Variants in PDE1A observed in about 807,000 individuals in gnomAD.
PDE1A encodes phosphodiesterase 1A, also known as dual specificity calcium/calmodulin-dependent 3',5'-cyclic nucleotide phosphodiesterase 1A.
Under a neutral mutation model 61.7 loss-of-function variants are expected in PDE1A, and 35 were observed. That is an observed-to-expected ratio of 0.57 (90% CI 0.43 to 0.75). The LOEUF is 0.75. PDE1A is among the 30% of genes least tolerant of loss of function. The pLI is 0.00. For synonymous variants in PDE1A, 232 were observed against 213.2 expected, an observed-to-expected ratio of 1.09 and a Z score of -0.77; for missense variants, 597 against 630.6, an observed-to-expected ratio of 0.95 and a Z score of 0.57.
chr2:182,314,872 A>G (rs1378301033), intron 1 of PDE1A, among the ~76,000 whole-genome samples: 1 of 152,200 alleles, frequency 6.6e-6, no homozygotes, highest in Non-Finnish European at 1.5e-5. Flanking sequence ...TTTTAGAAAA[A>G]GAAACCTTGG....
chr2:182,201,512 A>T, exon 10 of PDE1A: 1 of 1,614,024 alleles, frequency 6.2e-7, no homozygotes, highest in Non-Finnish European at 8.5e-7. Context: ...TGGGTGGCTG[A>T]TGTCTGCTGC....
chr2:182,561,282 A>T, the PDE1A span, among the ~76,000 whole-genome samples: 1 of 152,308 alleles, frequency 6.6e-6, no homozygotes, highest in South Asian at 2.1e-4. Flanking sequence ...ATGGGTAGCC[A>T]GTCTTCCCAG....
upstream of PDE1A, among the ~76,000 whole-genome samples, chr2:182,429,354 C>A: frequency 6.6e-6 from 1 of 152,034 alleles, no homozygotes; most frequent in East Asian, 1.9e-4. Context: ...AAAATATATT[C>A]CTTACATTAA....
rs570681870 is a variant in PDE1A at position 182,496,861 on chromosome 2, T to C, written c.101+25415A>G. On this transcript the variant is annotated intron_variant, in intron 2 of 14. Transcript: ENST00000410103. ...TAGTGGCCCTGACTTCCGGCTCCTA[T>C]AGACATTCCTGTGATTTTGTAAGCA... Among the ~76,000 whole-genome samples, 20 of 152,350 alleles carry C rather than the reference T, an allele frequency of 1.3e-4. No individual in the cohort carries two copies. In the South Asian group the frequency reaches 4.1e-3, roughly 32 times the overall value.
chr2:182,648,878 G>A, the PDE1A span, among the ~76,000 whole-genome samples: 1 of 152,122 alleles, frequency 6.6e-6, no homozygotes, highest in South Asian at 2.1e-4. Context: ...CCAGTTTATA[G>A]ATGTTATTAT....
intron 1 of PDE1A, among the ~76,000 whole-genome samples, chr2:182,276,620 ATGAAC>A (rs67572530): frequency 0.53 from 80,342 of 151,484 alleles, 21,460 homozygotes; most frequent in African/African-American, 0.6. Flanking sequence ...CACCTTGAAA[ATGAAC>A]AGAATAACAG....
At chr2:182,356,534 G>T (rs1260267305) in intron 1 of PDE1A, among the ~76,000 whole-genome samples, 1 of 152,000 alleles carries the variant, frequency 6.6e-6, no homozygotes, top group African/African-American at 2.4e-5. Flanking sequence ...CGGATCACTG[G>T]AGCTCAGGAG....
chr2:182,527,180 GAA>G (rs1690784361), upstream of PDE1A, among the ~76,000 whole-genome samples: 1 of 149,300 alleles, frequency 6.7e-6, no homozygotes, highest in Non-Finnish European at 1.5e-5. Context: ...AGAAAAATAT[GAA>G]GAGGCTGGGA....
intron 2 of PDE1A, among the ~76,000 whole-genome samples, chr2:182,511,275 A>G (rs1014580793): frequency 6.6e-6 from 1 of 151,970 alleles, no homozygotes; most frequent in African/African-American, 2.4e-5. Context: ...GCACGCTCCA[A>G]GCAGATCTTC....
the PDE1A span, among the ~76,000 whole-genome samples, chr2:182,590,972 G>A: frequency 1.3e-5 from 2 of 152,102 alleles, no homozygotes; most frequent in African/African-American, 4.8e-5. Context: ...TGTGTCCACA[G>A]GAACTATAAC....
At chr2:182,307,847 C>T (rs1695693373) in intron 1 of PDE1A, among the ~76,000 whole-genome samples, 1 of 152,028 alleles carries the variant, frequency 6.6e-6, no homozygotes, top group African/African-American at 2.4e-5. Context: ...CAGATACAGA[C>T]TGTCTAAAGA....
chr2:182,529,493 G>T, the PDE1A span, among the ~76,000 whole-genome samples: 1 of 152,202 alleles, frequency 6.6e-6, no homozygotes, highest in African/African-American at 2.4e-5. Flanking sequence ...TCTCAGATGA[G>T]ACTTTGGACT....
At chr2:182,334,672 T>C (rs969568237) in intron 1 of PDE1A, among the ~76,000 whole-genome samples, 18 of 152,088 alleles carry the variant, frequency 1.2e-4, no homozygotes, top group Non-Finnish European at 1.8e-4. Flanking sequence ...CAATATTATA[T>C]TGAATGGGCA....
At chr2:182,612,671 T>C in the PDE1A span, among the ~76,000 whole-genome samples, 1 of 152,206 alleles carries the variant, frequency 6.6e-6, no homozygotes, top group Non-Finnish European at 1.5e-5. Context: ...TCTTTTTCAT[T>C]GGGGCCTCTA....
chr2:182,264,068 T>C (rs1308912089), intron 2 of PDE1A, among the ~76,000 whole-genome samples: 1 of 152,214 alleles, frequency 6.6e-6, no homozygotes, highest in Admixed American at 6.5e-5. Flanking sequence ...ACTTTAGTGT[T>C]TGACTATCTT....
At chr2:182,459,385 A>G (rs1413419542) in intron 2 of PDE1A, among the ~76,000 whole-genome samples, 1 of 152,112 alleles carries the variant, frequency 6.6e-6, no homozygotes, top group African/African-American at 2.4e-5. Context: ...GACAATAAGA[A>G]TTTCCTTCAA....
intron 13 of PDE1A, among the ~76,000 whole-genome samples, chr2:182,170,185 C>T (rs912005237): frequency 6.6e-6 from 1 of 151,966 alleles, no homozygotes; most frequent in Non-Finnish European, 1.5e-5. Flanking sequence ...AAAGCCCCGC[C>T]TTTTCAAAAA....
chr2:182,206,168 T>C, intron 7 of PDE1A, 103 bp from the exon 8 acceptor site: 3 of 806,170 alleles, frequency 3.7e-6, no homozygotes, highest in African/African-American at 1.7e-5. Flanking sequence ...GAAAACATCC[T>C]ATAATTGAAC....
intron 1 of PDE1A, among the ~76,000 whole-genome samples, chr2:182,385,233 T>G (rs1221943462): frequency 6.6e-6 from 1 of 152,192 alleles, no homozygotes; most frequent in Non-Finnish European, 1.5e-5. Context: ...AGTACAAATC[T>G]CACTGCTAGT....
Sources: allele counts gnomAD v4.1 joint callset (sites outside exome capture counted in the v4.1 genomes callset), GRCh38; gene constraint gnomAD v4.1.1; transcripts MANE v1.5; gene names NCBI Gene and HGNC (gene_info 2026-07-23, HGNC 2026-07-21).